The following FTO variants were observed in gnomAD, a reference collection of about 807,000 sequenced individuals.
FTO encodes alpha-ketoglutarate-dependent dioxygenase FTO.
FTO carries 47 observed loss-of-function variants against 63.9 expected under a neutral mutation model. The ratio of observed to expected loss-of-function variants is 0.74; its 90% CI spans 0.58 to 0.94. The LOEUF is 0.94. Ranked by LOEUF, FTO falls within the 40% of genes least tolerant of loss-of-function variation. FTO has a pLI of 0.00. For missense variants in FTO, 562 were observed against 618.1 expected, an observed-to-expected ratio of 0.91 and a Z score of 0.96; for synonymous variants, 207 against 224.4, an observed-to-expected ratio of 0.92 and a Z score of 0.69.
intron 1 of FTO, among the ~76,000 whole-genome samples, chr16:53,756,632 A>G (rs2076930802): frequency 6.6e-6 from 1 of 152,218 alleles, no homozygotes; most frequent in Admixed American, 6.5e-5. Flanking sequence ...ATTATTTTTC[A>G]TGATTTTCAA....
intron 8 of FTO, among the ~76,000 whole-genome samples, chr16:54,023,113 G>A (rs1429529741): frequency 6.6e-6 from 1 of 152,214 alleles, no homozygotes; most frequent in East Asian, 1.9e-4. Flanking sequence ...GTTTCTGAAT[G>A]GATATGGAAT....
intron 1 of FTO, among the ~76,000 whole-genome samples, chr16:53,779,882 A>T (rs1047693975): frequency 3.9e-5 from 6 of 152,058 alleles, no homozygotes; most frequent in African/African-American, 1.4e-4. Context: ...TATATCCTGA[A>T]CCTGTACAAT....
intron 8 of FTO, among the ~76,000 whole-genome samples, chr16:53,982,654 T>A (rs892682608): frequency 1.3e-5 from 2 of 152,212 alleles, no homozygotes; most frequent in East Asian, 3.9e-4. Flanking sequence ...CCCAAGAAAC[T>A]TAGTTTCCTA....
chr16:53,995,695 C>T (rs1273573661), intron 8 of FTO, among the ~76,000 whole-genome samples: 1 of 152,196 alleles, frequency 6.6e-6, no homozygotes, highest in African/African-American at 2.4e-5. Context: ...CCTACTCCGC[C>T]TCCTTCACCC....
At chr16:53,751,852 T>TA (rs1229397374) in intron 1 of FTO, among the ~76,000 whole-genome samples, 6 of 152,364 alleles carry the variant, frequency 3.9e-5, no homozygotes, top group African/African-American at 1.2e-4. Context: ...GATTGCCTAT[T>TA]TCCTAGTGAT....
rs74666973 is a variant in FTO at position 54,029,777 on chromosome 16, T to C, written c.1365-81985T>C. ...TACTGAACTACAAGATTAGCTAATA[T>C]CCCATCAATAACTGAGTGCCACAGA... is the stretch of plus-strand genomic sequence containing the variant. On this transcript the variant is annotated intron_variant, in intron 8 of 8. Transcript: ENST00000471389. 4.3e-3 allele frequency among the ~76,000 whole-genome samples: 662 copies of C among 152,268 alleles called. 6 individuals carry two copies. The highest frequency in any genetic ancestry group is 0.015 in the African/African-American group (644 of 41,554).
At chr16:53,811,363 A>G (rs997735186) in intron 2 of FTO, among the ~76,000 whole-genome samples, 1 of 152,216 alleles carries the variant, frequency 6.6e-6, no homozygotes, top group Non-Finnish European at 1.5e-5. Flanking sequence ...TAGCACCTGC[A>G]TGTACATAGC....
chr16:54,057,047 A>T (rs1040675049), intron 8 of FTO, among the ~76,000 whole-genome samples: 1 of 152,212 alleles, frequency 6.6e-6, no homozygotes, highest in Non-Finnish European at 1.5e-5. Context: ...GGAGAGTGAG[A>T]TGGACACGGA....
chr16:53,861,463 T>A (rs2151854637), intron 4 of FTO, among the ~76,000 whole-genome samples: 1 of 152,324 alleles, frequency 6.6e-6, no homozygotes, highest in East Asian at 1.9e-4. Flanking sequence ...CCATTCTTCT[T>A]TCTGTTATTC....
intron 8 of FTO, among the ~76,000 whole-genome samples, chr16:54,109,632 C>A (rs747710500): frequency 6.6e-6 from 1 of 152,152 alleles, no homozygotes; most frequent in Non-Finnish European, 1.5e-5. Flanking sequence ...CACGCCTGGC[C>A]CCAGCCAGTC....
At chr16:53,903,896 ATG>A (rs1182916771) in intron 7 of FTO, among the ~76,000 whole-genome samples, 1 of 151,802 alleles carries the variant, frequency 6.6e-6, no homozygotes, top group African/African-American at 2.4e-5. Flanking sequence ...CAGAGTTTAT[ATG>A]TGTGTGTGTG....
chr16:53,740,968 A>G (rs1183715752), intron 1 of FTO, among the ~76,000 whole-genome samples: 1 of 152,246 alleles, frequency 6.6e-6, no homozygotes, highest in Non-Finnish European at 1.5e-5. Flanking sequence ...TGTGGGCCAC[A>G]TCTGGCCTGC....
At chr16:54,037,027 A>G (rs1234179896) in intron 8 of FTO, among the ~76,000 whole-genome samples, 1 of 152,184 alleles carries the variant, frequency 6.6e-6, no homozygotes, top group Non-Finnish European at 1.5e-5. Flanking sequence ...CTGCCACTGT[A>G]TCTTTGGGCC....
intron 8 of FTO, among the ~76,000 whole-genome samples, chr16:53,939,434 A>C (rs1279030175): frequency 6.6e-6 from 1 of 152,246 alleles, no homozygotes; most frequent in East Asian, 1.9e-4. Flanking sequence ...GGTTTTTAAA[A>C]AATTGAGGTA....
intron 8 of FTO, among the ~76,000 whole-genome samples, chr16:54,062,905 G>C (rs1378178869): frequency 1.3e-5 from 2 of 152,194 alleles, no homozygotes; most frequent in African/African-American, 4.8e-5. Flanking sequence ...GCCCAACACA[G>C]AGATCTGTCA....
intron 8 of FTO, among the ~76,000 whole-genome samples, chr16:53,960,270 G>T (rs980743688): frequency 2.6e-5 from 4 of 152,168 alleles, no homozygotes; most frequent in Non-Finnish European, 4.4e-5. Context: ...AGGGTATTTT[G>T]TACACAGCCA....
chr16:54,005,898 G>A (rs373626391), intron 8 of FTO, among the ~76,000 whole-genome samples: 189 of 152,300 alleles, frequency 1.2e-3, no homozygotes, highest in African/African-American at 4.4e-3. Flanking sequence ...CAATGTGTTG[G>A]TGGGAAGAAG....
intron 7 of FTO, among the ~76,000 whole-genome samples, chr16:53,927,484 A>G (rs903772388): frequency 1.3e-5 from 2 of 152,112 alleles, no homozygotes; most frequent in African/African-American, 4.8e-5. Flanking sequence ...ATGGGACCAG[A>G]GCTTAGTGGA....
intron 1 of FTO, among the ~76,000 whole-genome samples, chr16:53,755,278 G>A (rs1161718547): frequency 6.6e-6 from 1 of 152,160 alleles, no homozygotes; most frequent in Non-Finnish European, 1.5e-5. Context: ...TTAATGATGG[G>A]AGGCGATTGG....
Sources: allele counts gnomAD v4.1 joint callset (sites outside exome capture counted in the v4.1 genomes callset), GRCh38; gene constraint gnomAD v4.1.1; transcripts MANE v1.5; gene names NCBI Gene and HGNC (gene_info 2026-07-23, HGNC 2026-07-21).